C22orf23: variants seen among roughly 807,000 people sequenced by gnomAD.
C22orf23 encodes UPF0193 protein EVG1.
In C22orf23, 30 loss-of-function variants were observed where a neutral mutation model predicts 29.7. That is an observed-to-expected ratio of 1.01 (90% CI 0.76 to 1.37). The LOEUF (loss-of-function observed/expected upper bound fraction) is 1.37, where lower values mean the gene tolerates loss of function less well. C22orf23 is among the 40% of genes most tolerant of loss of function. C22orf23 has a pLI of 0.00. For synonymous variants in C22orf23, 90 were observed against 96.1 expected (o/e 0.94, Z 0.37); for missense variants, 237 against 273.1 (o/e 0.87, Z 0.93).
At chr22:37,947,260 C>T (rs1462894786) in intron 4 of C22orf23, 21 bp downstream of exon 4, 1 of 1,613,846 alleles carries the variant, frequency 6.2e-7, no homozygotes, top group Non-Finnish European at 8.5e-7. Context: ...GAGAAAGGCC[C>T]TAGCTGAGAC....
upstream of C22orf23, chr22:37,953,601 TAG>T: frequency 1.5e-6 from 1 of 671,670 alleles, no homozygotes; most frequent in East Asian, 3.0e-5. Context: ...CTCGCTACTA[TAG>T]AAACGCGCAC....
At chr22:37,944,556 TG>T (rs767542151) in intron 5 of C22orf23, 39 bp from the exon 6 acceptor site, 1 of 1,566,716 alleles carries the variant, frequency 6.4e-7, no homozygotes, top group East Asian at 2.2e-5. Flanking sequence ...CCATGAGGGA[TG>T]CAGGCAGCGG....
At chr22:37,949,290 T>G (rs1334360514) in intron 3 of C22orf23, among the ~76,000 whole-genome samples, 1 of 150,570 alleles carries the variant, frequency 6.6e-6, no homozygotes, top group African/African-American at 2.4e-5. Context: ...CATTGTTTTT[T>G]TTTTTTTTTT....
rs1930513430 is a variant in C22orf23, at chr22:37,943,363, G to A, written c.*812C>T. On this transcript the variant is annotated 3_prime_UTR_variant, in exon 7 of 7. Transcript: ENST00000403305. ...CAGGGATTGGAACTCCCAGGCCAGG[G>A]CTCTAGGTCGCTCCCACCTTTTCAT... The A allele has an allele frequency of 6.6e-6, 1 of 152,180 alleles. No homozygotes were observed. The highest frequency in any genetic ancestry group is 6.6e-5 in the Admixed American group (1 of 15,264). 9.4% of individuals were successfully genotyped at this position (152,180 alleles called of 1,614,324 possible).
Position 37,948,854 on chromosome 22 carries a change from A to G in C22orf23, c.167-1391T>C, listed in dbSNP as rs543617083. Among the ~76,000 whole-genome samples the G allele has an allele frequency of 7.9e-5, 12 of 152,302 alleles. No individual in the cohort carries two copies. The South Asian group carries it at 2.5e-3, about 32-fold the overall frequency. Reference sequence around the variant, plus strand: ...TTAAAATAACAGACTCTTTTCACTTAACATTTTTTCATGGACATCTGTCCA... The same window carrying G: ...TTAAAATAACAGACTCTTTTCACTTGACATTTTTTCATGGACATCTGTCCA... On this transcript the variant is annotated intron_variant, in intron 3 of 6. Transcript: ENST00000403305.
chr22:37,953,654 C>T (rs144551660), upstream of C22orf23: 4 of 1,098,428 alleles, frequency 3.6e-6, no homozygotes, highest in Admixed American at 9.5e-5. Flanking sequence ...CTCTGTCCTG[C>T]CTCCCGGAAG....
At chr22:37,944,300 T>C (rs1049920446) in intron 6 of C22orf23, 54 bp from the exon 7 acceptor site, 80 of 1,613,830 alleles carry the variant, frequency 5.0e-5, no homozygotes, top group Non-Finnish European at 5.3e-5. Context: ...CCTGAGGAGC[T>C]GTCACAGCAG....
In C22orf23 at chr22:37,943,701, C is replaced by T. The variant is rs1161551227; in HGVS notation, c.*474G>A. 5.7e-6 allele frequency: 1 copy of T among 174,726 alleles called. No individual in the cohort carries two copies. 10.8% of individuals were successfully genotyped at this position (174,726 alleles called of 1,614,324 possible). A position where few individuals can be genotyped will look rare whatever the true frequency, so the allele number is the denominator to read the frequency against. ...TAATGCCTTGAACAAATAAGCTTAT[C>T]CCTCTGAAAACAAAATGGTGCTTGT... is the stretch of plus-strand genomic sequence containing the variant. On this transcript the variant is annotated 3_prime_UTR_variant, in exon 7 of 7. Coordinates refer to ENST00000403305, the MANE Select transcript of C22orf23 (RefSeq NM_032561.5).
rs771938191 is a variant in C22orf23 at position 37,945,056 on chromosome 22, T to C, written c.467A>G (p.Asp156Gly). The C allele has an allele frequency of 7.5e-6, 12 of 1,610,602 alleles. No homozygotes were observed. The African/African-American group carries it at 9.4e-5, about 13-fold the overall frequency. ...CGGAGTCTTACGCTCTTCAAATCGG[T>C]CTAGCTCAGGGGCTGGAGCCTTCTG... ...ARQKAPAPELDRFEELVKEIQ... is the reference protein window; with the variant it reads ...ARQKAPAPELGRFEELVKEIQ... The change falls in exon 5 of 7, where the codon GAC (aspartate) becomes GGC (glycine). Residue 156 changes from aspartate (D) to glycine (G), a missense_variant. Coordinates refer to ENST00000403305, the MANE Select transcript of C22orf23 (RefSeq NM_032561.5).
Position 37,944,419 on chromosome 22 carries a change from G to C in C22orf23, c.580C>G (p.Gln194Glu). The part of the protein sequence containing the change: ...YRGIILAEIS[Q>E]KLREMEDIDH... Reference sequence around the variant, plus strand: ...ACTTTCCTGGTTGTTTCTCCTACCTGGGAGATTTCAGCAAGGATGATTCCT... The same window carrying C: ...ACTTTCCTGGTTGTTTCTCCTACCTCGGAGATTTCAGCAAGGATGATTCCT... Residue 194 changes from glutamine to glutamate, a missense_variant and splice_region_variant, in exon 6 of 7, where the codon CAG becomes GAG. Transcript: ENST00000403305. 2 of 1,614,114 alleles carry C rather than the reference G, an allele frequency of 1.2e-6. No homozygotes were observed. Among genetic ancestry groups the C allele is most frequent in the Non-Finnish European group, 1.7e-6 (2 of 1,179,986 alleles).
At chr22:37,949,108 G>A (rs937878728) in intron 3 of C22orf23, among the ~76,000 whole-genome samples, 8 of 152,044 alleles carry the variant, frequency 5.3e-5, no homozygotes, top group African/African-American at 1.7e-4. Flanking sequence ...TGTGGTGCAT[G>A]GACAAGCAGG....
At chr22:37,947,903 C>G (rs747768267) in intron 3 of C22orf23, among the ~76,000 whole-genome samples, 1 of 150,640 alleles carries the variant, frequency 6.6e-6, no homozygotes, top group African/African-American at 2.4e-5. Flanking sequence ...GTCAGGAATT[C>G]GAGACCACCC....
Position 37,944,898 on chromosome 22 carries a change from CAAAA to C in C22orf23, c.481+140_481+143del, listed in dbSNP as rs999408701. 1.2e-5 allele frequency: 11 copies of C among 916,634 alleles called. No individual in the cohort carries two copies. In the Admixed American group the frequency reaches 1.9e-4, roughly 16 times the overall value. The allele number at this position is 916,634 out of a possible 1,614,324, so 56.8% of individuals were successfully genotyped here. ...CTGGGCAATAAGAGCAAGACTGTCT[CAAAA>C]TAAATAAATAAATAAATAAATAGTG... On this transcript the variant is annotated intron_variant, in intron 5 of 6. Coordinates refer to ENST00000403305, the MANE Select transcript of C22orf23 (RefSeq NM_032561.5).
rs375504521 is a variant in C22orf23, at chr22:37,944,201, G to T, written c.628C>A (p.Leu210Ile). The T allele has an allele frequency of 1.2e-6, 2 of 1,614,100 alleles. No homozygotes were observed. Among genetic ancestry groups the T allele is most frequent in the African/African-American group, 2.7e-5 (2 of 74,918 alleles). ...EDIDHRRSEELRKGLATT is the reference protein window; with the variant it reads ...EDIDHRRSEEIRKGLATT ...TAAGTGGTGGCAAGACCCTTCCTAA[G>T]TTCCTCACTCCTTCTGTGGTCAATG... Residue 210 changes from leucine to isoleucine, a missense_variant, in exon 7 of 7, where the codon CTT becomes ATT. Transcript: ENST00000403305.
chr22:37,944,195 TC>T lies in C22orf23; in HGVS notation c.633del (p.Lys212ArgfsTer48). On this transcript the variant is annotated frameshift_variant, in exon 7 of 7. Transcript: ENST00000403305. LOFTEE classifies it high-confidence loss of function. ...ACAGATTAAGTGGTGGCAAGACCCT[TC>T]CTAAGTTCCTCACTCCTTCTGTGGT... Reference protein sequence around the residue: ...DIDHRRSEELRKGLATT With the variant: ...DIDHRRSEELXKGLATT The T allele has an allele frequency of 6.2e-7, 1 of 1,614,198 alleles. No homozygotes were observed. The highest frequency in any genetic ancestry group is 8.5e-7 in the Non-Finnish European group (1 of 1,180,040).
chr22:37,947,506 T>A, intron 3 of C22orf23, 43 bp from the exon 4 acceptor site: 1 of 759,576 alleles, frequency 1.3e-6, no homozygotes, highest in Non-Finnish European at 1.7e-6. Flanking sequence ...ACATGGCTTT[T>A]TTTTTTTTTT....
intron 3 of C22orf23, 43 bp downstream of exon 3, chr22:37,951,417 C>T: frequency 6.4e-7 from 1 of 1,554,330 alleles, no homozygotes; most frequent in Non-Finnish European, 8.9e-7. Flanking sequence ...AAGTGTGGCC[C>T]CAGATCCCTC....
chr22:37,946,571 A>G (rs1275876327), intron 4 of C22orf23, among the ~76,000 whole-genome samples: 1 of 141,910 alleles, frequency 7.0e-6, no homozygotes, highest in Non-Finnish European at 1.5e-5. Context: ...TGAGAGCGAC[A>G]CTGTCTCAAA....
chr22:37,953,258 G>A, intron 1 of C22orf23, 100 bp from the exon 2 acceptor site: 1 of 776,496 alleles, frequency 1.3e-6, no homozygotes, highest in East Asian at 2.6e-5. Context: ...CGGGGATCGA[G>A]CCAGAGAATG....
Sources: allele counts gnomAD v4.1 joint callset (sites outside exome capture counted in the v4.1 genomes callset), GRCh38; gene constraint gnomAD v4.1.1; transcripts MANE v1.5; gene names NCBI Gene and HGNC (gene_info 2026-07-23, HGNC 2026-07-21).